The following ZFPM2 variants were observed in gnomAD, a reference collection of about 807,000 sequenced individuals.
ZFPM2 encodes zinc finger protein ZFPM2.
A neutral mutation model predicts 98.6 loss-of-function variants in ZFPM2; 20 were observed. The observed-to-expected ratio is 0.20, with a 90% CI of 0.14 to 0.29. ZFPM2 has a LOEUF of 0.29. Among genes scored for constraint, ZFPM2 ranks in the 10% least tolerant of loss-of-function variants. The pLI, the probability that ZFPM2 is intolerant of heterozygous loss-of-function variation, is 1.00. For synonymous variants in ZFPM2, 518 were observed against 502.7 expected (o/e 1.03, Z -0.41); for missense variants, 1,310 against 1,388.6 (o/e 0.94, Z 0.90).
At chr8:105,759,673 C>T (rs1003031211) in intron 5 of ZFPM2, among the ~76,000 whole-genome samples, 1 of 150,368 alleles carries the variant, frequency 6.7e-6, no homozygotes. Flanking sequence ...AGGAACTTGA[C>T]TTTATTATTA....
chr8:105,794,297 G>T (rs1813721488), intron 6 of ZFPM2, among the ~76,000 whole-genome samples: 1 of 152,200 alleles, frequency 6.6e-6, no homozygotes, highest in African/African-American at 2.4e-5. Context: ...CTAACAAACA[G>T]ACAGGACCCT....
chr8:105,657,998 A>G (rs1817317470), intron 5 of ZFPM2, among the ~76,000 whole-genome samples: 1 of 152,172 alleles, frequency 6.6e-6, no homozygotes, highest in East Asian at 1.9e-4. Context: ...TGTATCAGCC[A>G]TTATTCTTTT....
At chr8:105,359,400 G>A (rs1812814019) in intron 1 of ZFPM2, among the ~76,000 whole-genome samples, 1 of 140,066 alleles carries the variant, frequency 7.1e-6, no homozygotes, top group African/African-American at 2.6e-5. Flanking sequence ...TTTTGAGACA[G>A]AGTCTCGCTC....
In ZFPM2 at chr8:105,717,103, G is replaced by A. The variant is rs141763508; in HGVS notation, c.533-71615G>A. Reference sequence around the variant, plus strand: ...AAGTTGCTGAAAAATTATACTGCATGCATGTCTTTCAATACTCTCTACTGA... The same window carrying A: ...AAGTTGCTGAAAAATTATACTGCATACATGTCTTTCAATACTCTCTACTGA... On this transcript the variant is annotated intron_variant, in intron 5 of 7. Transcript: ENST00000407775. Among the ~76,000 whole-genome samples the A allele has an allele frequency of 1.8e-4, 27 of 152,098 alleles. 1 individual carries two copies. The highest frequency in any genetic ancestry group is 6.5e-4 in the African/African-American group (27 of 41,534).
chr8:105,676,239 A>G (rs1404497225), intron 5 of ZFPM2, among the ~76,000 whole-genome samples: 1 of 152,126 alleles, frequency 6.6e-6, no homozygotes, highest in Admixed American at 6.6e-5. Context: ...ACTCACCAAC[A>G]CATTTATATT....
chr8:105,450,218 G>T (rs1260352380), intron 3 of ZFPM2, among the ~76,000 whole-genome samples: 1 of 152,026 alleles, frequency 6.6e-6, no homozygotes, highest in African/African-American at 2.4e-5. Flanking sequence ...CTAGTAAGAT[G>T]ATCACTTTTG....
intron 5 of ZFPM2, chr8:105,787,288 A>G (rs1346377997): frequency 1.3e-5 from 2 of 152,240 alleles, no homozygotes; most frequent in Non-Finnish European, 2.9e-5. Context: ...GTAAACTTGT[A>G]TGCTTTCAGA....
chr8:105,469,394 C>G (rs1420300158), intron 3 of ZFPM2, among the ~76,000 whole-genome samples: 1 of 152,092 alleles, frequency 6.6e-6, no homozygotes, highest in Non-Finnish European at 1.5e-5. Flanking sequence ...TCTCAATCTC[C>G]TACTCCTTTT....
chr8:105,654,032 A>G (rs911332932), intron 5 of ZFPM2, among the ~76,000 whole-genome samples: 2 of 151,912 alleles, frequency 1.3e-5, no homozygotes, highest in East Asian at 1.9e-4. Flanking sequence ...TTAAATTGCA[A>G]TGCTGCTTCT....
intron 5 of ZFPM2, among the ~76,000 whole-genome samples, chr8:105,724,848 A>AT (rs1361865052): frequency 4.0e-5 from 6 of 151,220 alleles, no homozygotes; most frequent in African/African-American, 1.5e-4. Flanking sequence ...CTATTTCTTA[A>AT]TTTTTTCTAT....
In ZFPM2 at chr8:105,801,162, A is replaced by G. The variant is rs1813992310; in HGVS notation, c.1080A>G (p.Gln360=). ...AACACCTGTTCTCCCATCTCACTCA[A>G]GCTGCCTTCCGATGTAATCACTGCC... ...FHQHLFSHLT[Q]AAFRCNHCHF... The change falls in exon 8 of 8, where the codon CAA becomes CAG. Residue 360 remains glutamine, a synonymous_variant. Coordinates refer to ENST00000407775, the MANE Select transcript of ZFPM2 (RefSeq NM_012082.4). 1 of 1,613,950 alleles carries G rather than the reference A, an allele frequency of 6.2e-7. No individual in the cohort carries two copies. Among genetic ancestry groups the G allele is most frequent in the East Asian group, 2.2e-5 (1 of 44,862 alleles).
At chr8:105,381,954 G>A (rs1464136225) in intron 1 of ZFPM2, among the ~76,000 whole-genome samples, 6 of 152,036 alleles carry the variant, frequency 3.9e-5, no homozygotes, top group African/African-American at 1.4e-4. Context: ...TCTGTTAAGT[G>A]GTTTGCCATA....
At position 105,634,260 on chromosome 8, in the gene ZFPM2, G is replaced by T. The variant is rs1816805231; in HGVS notation, c.435G>T (p.Gln145His). The change falls in exon 5 of 8, where the codon CAG becomes CAT. Residue 145 changes from glutamine to histidine, a missense_variant. By Grantham distance (24) the Gln-to-His change is conservative. Coordinates refer to ENST00000407775, the MANE Select transcript of ZFPM2 (RefSeq NM_012082.4). The stretch of plus-strand genomic sequence containing the variant: ...TCTTTCTACAGAAGACAAAGGCTCA[G>T]GTCCCAATGGTGCTGACTGCTGGTC... ...LNNNSLKTKA[Q>H]VPMVLTAGPK... 1.2e-6 allele frequency: 2 copies of T among 1,612,400 alleles called. No individual in the cohort carries two copies. The highest frequency in any genetic ancestry group is 1.7e-6 in the Non-Finnish European group (2 of 1,179,208).
chr8:105,734,423 T>G (rs1812020892), intron 5 of ZFPM2, among the ~76,000 whole-genome samples: 1 of 151,986 alleles, frequency 6.6e-6, no homozygotes, highest in Admixed American at 6.6e-5. Flanking sequence ...AGTGTGCTGT[T>G]TCTCTTATAG....
intron 5 of ZFPM2, among the ~76,000 whole-genome samples, chr8:105,655,945 AT>A (rs35547566): frequency 2.0e-5 from 3 of 151,036 alleles, no homozygotes; most frequent in East Asian, 1.9e-4. Context: ...TCATTCATTC[AT>A]TTTTTTTTCT....
chr8:105,508,664 A>G (rs1023188282), intron 3 of ZFPM2, among the ~76,000 whole-genome samples: 2 of 151,872 alleles, frequency 1.3e-5, no homozygotes, highest in African/African-American at 4.8e-5. Context: ...CACCTCTTCT[A>G]TCCTAATCTG....
At chr8:105,589,683 CA>C (rs1303012972) in intron 4 of ZFPM2, among the ~76,000 whole-genome samples, 1 of 152,024 alleles carries the variant, frequency 6.6e-6, no homozygotes, top group Non-Finnish European at 1.5e-5. Context: ...TCCACTGTGC[CA>C]GTCATATTCT....
intron 5 of ZFPM2, among the ~76,000 whole-genome samples, chr8:105,759,861 C>A (rs1169063832): frequency 2.0e-5 from 3 of 151,918 alleles, no homozygotes; most frequent in Non-Finnish European, 2.9e-5. Flanking sequence ...ATAATGATAT[C>A]CCTACATTTA....
At chr8:105,632,860 TTTAG>T (rs142960040) in intron 4 of ZFPM2, among the ~76,000 whole-genome samples, 88 of 152,338 alleles carry the variant, frequency 5.8e-4, no homozygotes, top group Middle Eastern at 3.4e-3. Flanking sequence ...TTATACTTGA[TTTAG>T]TTATAGTTTA....
Sources: gnomAD v4.1 joint callset for allele counts (sites outside exome capture counted in the v4.1 genomes callset) on GRCh38, gnomAD v4.1.1 for gene constraint, MANE v1.5 for transcripts, NCBI Gene and HGNC (gene_info 2026-07-23, HGNC 2026-07-21) for gene names.